Variants in VCL observed in about 807,000 individuals in gnomAD.
VCL encodes the protein vinculin.
Under a neutral mutation model 125.7 loss-of-function variants are expected in VCL, and 47 were observed. The observed-to-expected ratio is 0.37, with a 90% CI of 0.30 to 0.48. The LOEUF (loss-of-function observed/expected upper bound fraction) is 0.48. Among genes scored for constraint, VCL ranks in the 20% least tolerant of loss-of-function variants. The pLI is 0.99. For synonymous variants in VCL, 458 were observed against 514.6 expected (o/e 0.89, Z 1.49); for missense variants, 1,069 against 1,455.5 (o/e 0.73, Z 4.32).
intron 2 of VCL, among the ~76,000 whole-genome samples, chr10:74,054,607 AAGGACCTT>A (rs1479492250): frequency 6.6e-6 from 1 of 152,172 alleles, no homozygotes; most frequent in Non-Finnish European, 1.5e-5. Flanking sequence ...TTTTCAGCAT[AAGGACCTT>A]TAAGTAATAA....
intron 6 of VCL, among the ~76,000 whole-genome samples, chr10:74,081,643 A>G (rs1411591916): frequency 6.6e-6 from 1 of 152,176 alleles, no homozygotes; most frequent in Non-Finnish European, 1.5e-5. Flanking sequence ...AAAAAAATTT[A>G]CGGAAATACT....
intron 6 of VCL, among the ~76,000 whole-genome samples, chr10:74,077,920 G>A (rs1417794038): frequency 6.6e-6 from 1 of 152,100 alleles, no homozygotes; most frequent in Non-Finnish European, 1.5e-5. Flanking sequence ...AAAGTAAAAA[G>A]TTTCCTTTTC....
At chr10:74,037,038 G>C (rs1840992781) in intron 1 of VCL, among the ~76,000 whole-genome samples, 1 of 151,922 alleles carries the variant, frequency 6.6e-6, no homozygotes, top group Admixed American at 6.6e-5. Context: ...AGCCTCCCGA[G>C]TAGCTGGGAC....
In VCL at chr10:74,109,243, T is replaced by C. The variant is rs77861472; in HGVS notation, c.2745+87T>C. 1.2e-4 allele frequency: 182 copies of C among 1,526,098 alleles called. No individual in the cohort carries two copies. In the African/African-American group the frequency reaches 2.2e-3, roughly 19 times the overall value. The allele number at this position is 1,526,098 out of a possible 1,614,324, so 94.5% of individuals were successfully genotyped here. A position where few individuals can be genotyped will look rare whatever the true frequency, so the allele number is the denominator to read the frequency against. ...GAAAGACCCAGAAAGAAGAGTCTATTTGGAGTCACCCTCTCTCTCTCCTTT... is the reference window on the plus strand; with the variant it reads ...GAAAGACCCAGAAAGAAGAGTCTATCTGGAGTCACCCTCTCTCTCTCCTTT... On this transcript the variant is annotated intron_variant, in intron 18 of 21. Transcript: ENST00000211998.
chr10:74,015,977 G>A (rs376959820), intron 1 of VCL, among the ~76,000 whole-genome samples: 4 of 151,962 alleles, frequency 2.6e-5, no homozygotes, highest in Admixed American at 1.3e-4. Context: ...GAGCCACTAC[G>A]CTCAGCCTTT....
At chr10:74,037,984 TTTTTCTTTTC>T (rs1208309289) in intron 1 of VCL, among the ~76,000 whole-genome samples, 1 of 141,140 alleles carries the variant, frequency 7.1e-6, no homozygotes, top group Non-Finnish European at 1.5e-5. Context: ...TCTTTGTTTC[TTTTTCTTTTC>T]TTTTCTTTTT....
intron 1 of VCL, among the ~76,000 whole-genome samples, chr10:74,017,947 G>A (rs182681393): frequency 2.0e-5 from 3 of 150,934 alleles, no homozygotes; most frequent in African/African-American, 7.3e-5. Context: ...TTGCTTGAGC[G>A]TAGAAGTCCG....
intron 2 of VCL, among the ~76,000 whole-genome samples, chr10:74,061,573 A>G (rs2136265484): frequency 6.6e-6 from 1 of 152,282 alleles, no homozygotes. Flanking sequence ...ATAATTTCAT[A>G]AATGTTCAAG....
intron 1 of VCL, among the ~76,000 whole-genome samples, chr10:74,032,625 G>A (rs1333507411): frequency 4.0e-5 from 6 of 151,726 alleles, no homozygotes; most frequent in Non-Finnish European, 7.4e-5. Context: ...GCTTGAACCC[G>A]GGAGGCGGAG....
chr10:74,066,062 T>TATA (rs1491467672), intron 2 of VCL, among the ~76,000 whole-genome samples: 234 of 124,666 alleles, frequency 1.9e-3, no homozygotes, highest in Admixed American at 3.0e-3. Context: ...TATATATATA[T>TATA]TTTTTTTTTT....
intron 4 of VCL, 122 bp from the exon 5 acceptor site, chr10:74,072,608 G>T: frequency 7.0e-7 from 1 of 1,425,822 alleles, no homozygotes; most frequent in Non-Finnish European, 9.7e-7. Flanking sequence ...GGTGTCTGTT[G>T]TTTAAATAAG....
chr10:74,057,882 G>A (rs895577653), intron 2 of VCL, among the ~76,000 whole-genome samples: 12 of 152,326 alleles, frequency 7.9e-5, no homozygotes, highest in Middle Eastern at 3.4e-3. Flanking sequence ...GTGGTGAGCC[G>A]TGATCGTGCC....
At chr10:74,112,162 T>C (rs1159558790) in intron 19 of VCL, 50 bp downstream of exon 19, 3 of 1,607,582 alleles carry the variant, frequency 1.9e-6, no homozygotes, top group Non-Finnish European at 2.6e-6. Context: ...CATCCGGCCA[T>C]GTGCAGCCTT....
intron 1 of VCL, among the ~76,000 whole-genome samples, chr10:74,030,435 C>T (rs970160151): frequency 6.6e-6 from 1 of 152,198 alleles, no homozygotes; most frequent in African/African-American, 2.4e-5. Context: ...AAATGCTTCT[C>T]AATCTTTCTC....
intron 6 of VCL, among the ~76,000 whole-genome samples, chr10:74,078,789 A>T (rs1006178610): frequency 6.6e-6 from 1 of 152,166 alleles, no homozygotes; most frequent in African/African-American, 2.4e-5. Context: ...CTACTGCCCA[A>T]TCTATACTTT....
chr10:74,066,063 T>TA (rs1297685805), intron 2 of VCL, among the ~76,000 whole-genome samples: 6,776 of 95,416 alleles, frequency 0.071, 185 homozygotes, highest in Non-Finnish European at 0.1. Context: ...ATATATATAT[T>TA]TTTTTTTTTT....
intron 2 of VCL, among the ~76,000 whole-genome samples, chr10:74,067,450 T>C (rs1841589651): frequency 6.6e-6 from 1 of 151,958 alleles, no homozygotes; most frequent in Non-Finnish European, 1.5e-5. Flanking sequence ...GGCACAGTGC[T>C]GGAAAATAGT....
chr10:74,036,540 T>C (rs1018148507), intron 1 of VCL, among the ~76,000 whole-genome samples: 1 of 152,004 alleles, frequency 6.6e-6, no homozygotes. Flanking sequence ...ATAGGACTTT[T>C]TTCAGAAGGA....
At position 74,118,966 on chromosome 10, in the gene VCL, C is replaced by T. The variant is rs1840353692; in HGVS notation, c.*797C>T. 1 of 152,920 alleles carries T rather than the reference C, an allele frequency of 6.5e-6. No individual in the cohort carries two copies. The highest frequency in any genetic ancestry group is 1.9e-4 in the East Asian group (1 of 5,186). The allele number at this position is 152,920 out of a possible 1,614,324, so 9.5% of individuals were successfully genotyped here. On this transcript the variant is annotated 3_prime_UTR_variant, in exon 22 of 22. Transcript: ENST00000211998. ...CCCATGAACACACTGTGTCCTGGTGCTCTCTGCCACTGGAAGGGCAGAGTA... is the reference window on the plus strand; with the variant it reads ...CCCATGAACACACTGTGTCCTGGTGTTCTCTGCCACTGGAAGGGCAGAGTA...
Sources: gnomAD v4.1 joint callset for allele counts (sites outside exome capture counted in the v4.1 genomes callset) on GRCh38, gnomAD v4.1.1 for gene constraint, MANE v1.5 for transcripts, NCBI Gene and HGNC (gene_info 2026-07-23, HGNC 2026-07-21) for gene names.